Variants in SIK3 observed in about 807,000 individuals in gnomAD.
SIK3 encodes serine/threonine-protein kinase SIK3.
Under a neutral mutation model 144.2 loss-of-function variants are expected in SIK3, and 28 were observed. The ratio of observed to expected loss-of-function variants is 0.19; its 90% confidence interval spans 0.14 to 0.27. SIK3 has a LOEUF of 0.27. Among genes scored for constraint, SIK3 ranks in the 10% least tolerant of loss-of-function variants. SIK3 has a pLI of 1.00. For synonymous variants in SIK3, 686 were observed against 676.3 expected, an observed-to-expected ratio of 1.01 and a Z score of -0.22; for missense variants, 1,319 against 1,776.0, an observed-to-expected ratio of 0.74 and a Z score of 4.62.
rs71037444 is a variant in SIK3, at chr11:117,021,928, C to CAAAAAAAAAAAAAAAAAAAAAAA, written c.274-64887_274-64865dup. ...ATAGCACAGTGAGCCTCTGTCTCTA[C>CAAAAAAAAAAAAAAAAAAAAAAA]AAAAAAAAAAAAAAAAAAAAAAAAA... On this transcript the variant is annotated intron_variant, in intron 1 of 24. Transcript: ENST00000445177. Among the ~76,000 whole-genome samples the CAAAAAAAAAAAAAAAAAAAAAAA allele has an allele frequency of 2.4e-4, 14 of 59,000 alleles. 1 individual carries two copies. The highest frequency in any genetic ancestry group is 0.02 in the Middle Eastern group (2 of 98). 38.7% of individuals were successfully genotyped at this position (59,000 alleles called of 152,430 possible). A position where few individuals can be genotyped will look rare whatever the true frequency, so the allele number is the denominator to read the frequency against.
intron 1 of SIK3, among the ~76,000 whole-genome samples, chr11:117,051,656 T>C (rs902387655): frequency 3.3e-5 from 5 of 151,854 alleles, no homozygotes; most frequent in Admixed American, 6.5e-5. Context: ...GCCTTCCAAA[T>C]AGCTGGGATT....
At chr11:116,908,697 TA>T (rs1463196025) in intron 4 of SIK3, among the ~76,000 whole-genome samples, 1 of 151,860 alleles carries the variant, frequency 6.6e-6, no homozygotes, top group African/African-American at 2.4e-5. Flanking sequence ...AGAGAAACAG[TA>T]AAAATTAAAA....
At chr11:116,949,190 G>A (rs12419047) in intron 3 of SIK3, among the ~76,000 whole-genome samples, 11,102 of 152,192 alleles carry the variant, frequency 0.073, 497 homozygotes, top group African/African-American at 0.11. Context: ...GACTACAGGC[G>A]CATGCCACCA....
rs575039654 is a variant in SIK3 at position 117,032,912 on chromosome 11, T to C, written c.273+65231A>G. ...TAAAATATCTTACCATAAATATTAA[T>C]AAAAGAAGCATTCATATATAAAATA... On this transcript the variant is annotated intron_variant, in intron 1 of 24. Transcript: ENST00000445177. 3.3e-5 allele frequency among the ~76,000 whole-genome samples: 5 copies of C among 152,260 alleles called. No homozygotes were observed. In the East Asian group the frequency reaches 9.6e-4, roughly 29 times the overall value.
At chr11:116,935,855 G>A (rs1428243195) in intron 3 of SIK3, among the ~76,000 whole-genome samples, 1 of 152,186 alleles carries the variant, frequency 6.6e-6, no homozygotes, top group East Asian at 1.9e-4. Flanking sequence ...GCATGAGATG[G>A]TAACTAATGC....
chr11:116,967,218 G>C (rs1309657863), intron 1 of SIK3, among the ~76,000 whole-genome samples: 1 of 152,130 alleles, frequency 6.6e-6, no homozygotes, highest in Non-Finnish European at 1.5e-5. Flanking sequence ...CAGACTCACA[G>C]AAGGATTGTA....
intron 3 of SIK3, among the ~76,000 whole-genome samples, chr11:116,944,612 G>T (rs2135304701): frequency 6.6e-6 from 1 of 152,320 alleles, no homozygotes; most frequent in African/African-American, 2.4e-5. Flanking sequence ...CACATGGAAA[G>T]GACAACAAAA....
chr11:117,042,681 A>C (rs1317846786), intron 1 of SIK3, among the ~76,000 whole-genome samples: 1 of 152,198 alleles, frequency 6.6e-6, no homozygotes, highest in African/African-American at 2.4e-5. Flanking sequence ...TAATCATCCT[A>C]ATTAAGAAAA....
intron 1 of SIK3, among the ~76,000 whole-genome samples, chr11:116,968,518 A>C (rs547122941): frequency 1.3e-5 from 2 of 152,338 alleles, no homozygotes; most frequent in East Asian, 3.9e-4. Context: ...ACTGAGAATG[A>C]TTCCACTGAA....
At chr11:117,055,973 G>T (rs78202690) in intron 1 of SIK3, among the ~76,000 whole-genome samples, 2,163 of 152,266 alleles carry the variant, frequency 0.014, 63 homozygotes, top group African/African-American at 0.049. Flanking sequence ...ATAAAATTCT[G>T]TTATTTATAA....
chr11:117,032,415 T>G (rs973803172), intron 1 of SIK3, among the ~76,000 whole-genome samples: 5 of 152,248 alleles, frequency 3.3e-5, no homozygotes, highest in African/African-American at 9.6e-5. Flanking sequence ...TTTCTTTTGA[T>G]TGAACTGTTA....
At chr11:116,996,690 G>A (rs1950678051) in intron 1 of SIK3, among the ~76,000 whole-genome samples, 1 of 151,112 alleles carries the variant, frequency 6.6e-6, no homozygotes, top group Non-Finnish European at 1.5e-5. Flanking sequence ...TGTGGTGACG[G>A]GCACCTGTAA....
chr11:116,846,440 T>C lies in SIK3; in HGVS notation c.4066A>G (p.Lys1356Glu). ...ATGCTGAAGGAGACTTCGGGGTGCTTGTAGCTGAGCAGAATGTCTGTAATA... is the reference window on the plus strand; with the variant it reads ...ATGCTGAAGGAGACTTCGGGGTGCTCGTAGCTGAGCAGAATGTCTGTAATA... ...TCITDILLSYKHPEVSFSMEQ... is the reference protein window; with the variant it reads ...TCITDILLSYEHPEVSFSMEQ... The change falls in exon 24 of 25, where the codon AAG becomes GAG. Residue 1356 changes from lysine to glutamate, a missense_variant. This residue lies in a region of SIK3 where 646 missense variants were observed against 763.7 expected (regional missense o/e 0.85). Transcript: ENST00000445177. This position sits in a 1 kb window ranked among gnomAD's most constrained non-coding sequence, Gnocchi z 4.1. 1 of 1,614,190 alleles carries C rather than the reference T, an allele frequency of 6.2e-7. No individual in the cohort carries two copies. The highest frequency in any genetic ancestry group is 8.5e-7 in the Non-Finnish European group (1 of 1,180,030).
intron 1 of SIK3, among the ~76,000 whole-genome samples, chr11:116,957,745 G>A (rs533808462): frequency 3.9e-5 from 6 of 152,246 alleles, no homozygotes; most frequent in African/African-American, 1.4e-4. Context: ...CAGAGATTAA[G>A]TAATTAACCC....
intron 1 of SIK3, among the ~76,000 whole-genome samples, chr11:117,094,287 A>T (rs1955374734): frequency 6.6e-6 from 1 of 152,174 alleles, no homozygotes; most frequent in Admixed American, 6.5e-5. Flanking sequence ...AGGCTTTTAT[A>T]GTCATGCATA....
At chr11:116,978,322 G>A (rs79868224) in intron 1 of SIK3, among the ~76,000 whole-genome samples, 10,744 of 152,136 alleles carry the variant, frequency 0.071, 675 homozygotes, top group African/African-American at 0.17. Context: ...TGTAAAATAT[G>A]TCATATTCAA....
intron 4 of SIK3, 58 bp downstream of exon 4, chr11:116,927,161 T>TA: frequency 7.6e-7 from 1 of 1,321,312 alleles, no homozygotes; most frequent in South Asian, 1.4e-5. Context: ...CCCTTGCTTA[T>TA]AGAACCCCAA....
At chr11:116,983,301 GTGGA>G (rs1473509962) in intron 1 of SIK3, among the ~76,000 whole-genome samples, 2 of 151,624 alleles carry the variant, frequency 1.3e-5, no homozygotes, top group Non-Finnish European at 2.9e-5. Context: ...GAAGGCTGAG[GTGGA>G]TGGATCACTT....
chr11:116,972,258 C>A (rs1470920916), intron 1 of SIK3, among the ~76,000 whole-genome samples: 1 of 152,078 alleles, frequency 6.6e-6, no homozygotes, highest in African/African-American at 2.4e-5. Context: ...GGAATCGAAG[C>A]CAGACAGTCG....
Sources: allele counts gnomAD v4.1 joint callset (sites outside exome capture counted in the v4.1 genomes callset), GRCh38; gene constraint gnomAD v4.1.1; regional missense constraint gnomAD v4.1.1; non-coding constraint Gnocchi (gnomAD v3.1); transcripts MANE v1.5; gene names NCBI Gene and HGNC (gene_info 2026-07-23, HGNC 2026-07-21).